PPFIA2: variants seen among roughly 807,000 people sequenced by gnomAD.
PPFIA2 encodes the protein PPFI scaffold protein A2.
Under a neutral mutation model 175.5 loss-of-function variants are expected in PPFIA2, and 46 were observed. The observed-to-expected ratio is 0.26, with a 90% CI of 0.21 to 0.34. PPFIA2 has a LOEUF of 0.34. Among genes scored for constraint, PPFIA2 ranks in the 10% least tolerant of loss-of-function variants. The pLI is 1.00. For missense variants in PPFIA2, 1,179 were observed against 1,506.1 expected (o/e 0.78, Z 3.60); for synonymous variants, 568 against 511.4 (o/e 1.11, Z -1.49).
Position 81,289,821 on chromosome 12 carries a change from G to T in PPFIA2, c.2925+5014C>A, listed in dbSNP as rs535365409. On this transcript the variant is annotated intron_variant, in intron 24 of 32. Coordinates refer to ENST00000549396, the MANE Select transcript of PPFIA2 (RefSeq NM_003625.5). ...TTTTACCTGAGATAAAGTATTCAAA[G>T]AATGCACTTATTTTTGTTACATCCT... 2.2e-3 allele frequency among the ~76,000 whole-genome samples: 328 copies of T among 151,870 alleles called. 1 individual carries two copies. The highest frequency in any genetic ancestry group is 7.4e-3 in the African/African-American group (307 of 41,524).
chr12:81,423,379 G>A (rs1389399955), intron 7 of PPFIA2, among the ~76,000 whole-genome samples: 1 of 152,000 alleles, frequency 6.6e-6, no homozygotes, highest in Non-Finnish European at 1.5e-5. Flanking sequence ...CAATGCAACA[G>A]AACATTAAAT....
chr12:81,701,505 G>A (rs1420561777), intron 3 of PPFIA2, among the ~76,000 whole-genome samples: 1 of 151,630 alleles, frequency 6.6e-6, no homozygotes, highest in Non-Finnish European at 1.5e-5. Context: ...TAGAGCCTGG[G>A]CTTTGTGTCA....
At chr12:81,656,510 A>T (rs1307888506) in intron 4 of PPFIA2, among the ~76,000 whole-genome samples, 1 of 152,160 alleles carries the variant, frequency 6.6e-6, no homozygotes, top group Non-Finnish European at 1.5e-5. Context: ...TCTATAACTC[A>T]AGAAAATAAA....
intron 4 of PPFIA2, among the ~76,000 whole-genome samples, chr12:81,647,078 G>A (rs1218164153): frequency 1.3e-5 from 2 of 151,274 alleles, no homozygotes; most frequent in Middle Eastern, 3.5e-3. Flanking sequence ...GGGGGGGAGC[G>A]TGTATAAACA....
intron 4 of PPFIA2, among the ~76,000 whole-genome samples, chr12:81,586,441 T>C (rs1225865303): frequency 5.9e-5 from 9 of 152,030 alleles, no homozygotes; most frequent in Non-Finnish European, 8.8e-5. Context: ...GCACTTAGCA[T>C]ACAAAGTCAG....
chr12:81,737,276 A>G (rs1170307310), intron 3 of PPFIA2, among the ~76,000 whole-genome samples: 1 of 151,962 alleles, frequency 6.6e-6, no homozygotes, highest in African/African-American at 2.4e-5. Context: ...ATTGAGATCA[A>G]GTCCTTTCAA....
chr12:81,645,678 C>A (rs1019521341), intron 4 of PPFIA2, among the ~76,000 whole-genome samples: 1 of 152,188 alleles, frequency 6.6e-6, no homozygotes, highest in Non-Finnish European at 1.5e-5. Flanking sequence ...AAAGACAGGA[C>A]ACACAAACTG....
At chr12:81,610,285 C>A (rs1366787432) in intron 4 of PPFIA2, among the ~76,000 whole-genome samples, 2 of 152,136 alleles carry the variant, frequency 1.3e-5, no homozygotes. Flanking sequence ...TCATGTCAAC[C>A]TCTCTAGTGA....
intron 4 of PPFIA2, among the ~76,000 whole-genome samples, chr12:81,671,752 C>T (rs918087176): frequency 8.6e-5 from 13 of 151,956 alleles, no homozygotes; most frequent in African/African-American, 2.9e-4. Context: ...TACTACATGA[C>T]GTTATTTTCT....
At chr12:81,643,014 G>C (rs2065544735) in intron 4 of PPFIA2, among the ~76,000 whole-genome samples, 1 of 144,610 alleles carries the variant, frequency 6.9e-6, no homozygotes, top group Admixed American at 7.0e-5. Context: ...ATTTTATATA[G>C]TGTATATATC....
At chr12:81,448,454 C>T (rs2051748330) in intron 5 of PPFIA2, among the ~76,000 whole-genome samples, 1 of 152,180 alleles carries the variant, frequency 6.6e-6, no homozygotes, top group African/African-American at 2.4e-5. Context: ...AGGCTATTCT[C>T]AAAACACTAT....
chr12:81,645,581 T>C (rs2065949408), intron 4 of PPFIA2, among the ~76,000 whole-genome samples: 1 of 152,354 alleles, frequency 6.6e-6, no homozygotes, highest in South Asian at 2.1e-4. Context: ...AAAGTATTAT[T>C]TTTTTCTTAA....
At chr12:81,730,146 T>C (rs2080673674) in intron 3 of PPFIA2, among the ~76,000 whole-genome samples, 1 of 151,640 alleles carries the variant, frequency 6.6e-6, no homozygotes, top group Admixed American at 6.6e-5. Context: ...ACTAATACCA[T>C]ATGTTCCTTT....
intron 4 of PPFIA2, among the ~76,000 whole-genome samples, chr12:81,603,891 C>A (rs1338097187): frequency 6.7e-6 from 1 of 149,638 alleles, no homozygotes; most frequent in Non-Finnish European, 1.5e-5. Flanking sequence ...CTTTCTCTTC[C>A]ACATTTATTC....
At chr12:81,278,374 C>A (rs1258537905) in intron 27 of PPFIA2, among the ~76,000 whole-genome samples, 2 of 151,916 alleles carry the variant, frequency 1.3e-5, no homozygotes, top group Non-Finnish European at 2.9e-5. Flanking sequence ...AACCCCGTCT[C>A]TACTAAAAGT....
chr12:81,575,275 T>C (rs1054393417), intron 4 of PPFIA2, among the ~76,000 whole-genome samples: 2 of 151,864 alleles, frequency 1.3e-5, no homozygotes, highest in African/African-American at 4.8e-5. Flanking sequence ...GTGAATGTAA[T>C]CGTTCCACCA....
intron 14 of PPFIA2, among the ~76,000 whole-genome samples, chr12:81,363,798 T>A (rs565312798): frequency 6.6e-6 from 1 of 152,022 alleles, no homozygotes; most frequent in Non-Finnish European, 1.5e-5. Flanking sequence ...GCTAGACATA[T>A]AATTTCAAAA....
intron 20 of PPFIA2, among the ~76,000 whole-genome samples, chr12:81,339,551 C>A (rs1185244103): frequency 1.3e-5 from 2 of 151,676 alleles, no homozygotes; most frequent in African/African-American, 2.4e-5. Context: ...CATTTTTGCT[C>A]CGAATGTCTT....
At chr12:81,732,006 C>T (rs539948094) in intron 3 of PPFIA2, among the ~76,000 whole-genome samples, 4 of 151,564 alleles carry the variant, frequency 2.6e-5, no homozygotes, top group Non-Finnish European at 4.4e-5. Flanking sequence ...GTTAATTCTT[C>T]AAGCCTATGT....
Sources: gnomAD v4.1 joint callset for allele counts (sites outside exome capture counted in the v4.1 genomes callset) on GRCh38, gnomAD v4.1.1 for gene constraint, MANE v1.5 for transcripts, NCBI Gene and HGNC (gene_info 2026-07-23, HGNC 2026-07-21) for gene names.